The following TRPA1 variants were observed in gnomAD, a reference collection of about 807,000 sequenced individuals.
The protein encoded by TRPA1 is transient receptor potential cation channel subfamily A member 1, also known as ankyrin-like with transmembrane domains 1.
TRPA1 carries 129 observed loss-of-function variants against 131.3 expected under a neutral mutation model. The observed-to-expected ratio is 0.98, with a 90% CI of 0.85 to 1.14. TRPA1 has a LOEUF of 1.14. TRPA1 is among the 50% of genes most tolerant of loss of function. The pLI, the probability that TRPA1 is intolerant of heterozygous loss-of-function variation, is 0.00. For missense variants in TRPA1, 1,304 were observed against 1,354.2 expected, an observed-to-expected ratio of 0.96 and a Z score of 0.58; for synonymous variants, 441 against 451.7, an observed-to-expected ratio of 0.98 and a Z score of 0.30.
chr8:72,025,848 C>A (rs773198152), intron 25 of TRPA1, 112 bp downstream of exon 25: 81 of 882,836 alleles, frequency 9.2e-5, no homozygotes, highest in Non-Finnish European at 1.4e-4. Flanking sequence ...CTCCTCTGCC[C>A]ACAGGCAGAG....
rs140321500 is a variant in TRPA1 at position 72,051,664 on chromosome 8, T to C, written c.1812-793A>G. 3.1e-3 allele frequency among the ~76,000 whole-genome samples: 466 copies of C among 152,274 alleles called. 1 individual carries two copies. Among genetic ancestry groups the C allele is most frequent in the Admixed American group, 9.2e-3 (140 of 15,284 alleles). On this transcript the variant is annotated intron_variant, in intron 14 of 26. Transcript: ENST00000262209. ...GGCTTGATGTGCCTTGAATATGAGA[T>C]TGTTCGCTCTGTGTCCACTACTAGG...
At chr8:72,026,920 C>T (rs985763607) in intron 24 of TRPA1, among the ~76,000 whole-genome samples, 2 of 152,100 alleles carry the variant, frequency 1.3e-5, no homozygotes, top group East Asian at 3.9e-4. Context: ...TTGTGGCCCC[C>T]TCACTGTCCC....
chr8:72,077,178 T>G (rs76422562), upstream of TRPA1, among the ~76,000 whole-genome samples: 1,959 of 151,896 alleles, frequency 0.013, 47 homozygotes, highest in African/African-American at 0.044. Context: ...AGGCAAAAAC[T>G]GAATAAAGAG....
upstream of TRPA1, among the ~76,000 whole-genome samples, chr8:72,077,293 G>T (rs73687870): frequency 2.1e-3 from 47 of 21,888 alleles, no homozygotes; most frequent in East Asian, 0.24. Flanking sequence ...ACAGGGGTGG[G>T]GGGGGGGGCA....
intron 3 of TRPA1, among the ~76,000 whole-genome samples, chr8:72,067,825 C>T (rs1203611322): frequency 6.6e-6 from 1 of 152,136 alleles, no homozygotes; most frequent in African/African-American, 2.4e-5. Context: ...CTTCAGGGAG[C>T]CACCCTGACC....
intron 17 of TRPA1, among the ~76,000 whole-genome samples, chr8:72,044,345 G>A (rs531730021): frequency 1.3e-5 from 2 of 151,954 alleles, no homozygotes; most frequent in Admixed American, 6.6e-5. Flanking sequence ...ATATTTGTGA[G>A]AGTAATTCAG....
chr8:72,037,204 T>C (rs1379128441), intron 20 of TRPA1, among the ~76,000 whole-genome samples: 3 of 152,128 alleles, frequency 2.0e-5, no homozygotes, highest in Non-Finnish European at 4.4e-5. Context: ...ATTTAAAAAA[T>C]GCAAACCATT....
At chr8:72,027,076 T>A (rs1466866741) in intron 24 of TRPA1, among the ~76,000 whole-genome samples, 2 of 152,222 alleles carry the variant, frequency 1.3e-5, no homozygotes, top group Non-Finnish European at 2.9e-5. Flanking sequence ...TTCACTGATT[T>A]TCTATAATAA....
intron 15 of TRPA1, among the ~76,000 whole-genome samples, chr8:72,050,566 A>T (rs577933014): frequency 3.4e-4 from 51 of 152,032 alleles, no homozygotes; most frequent in Admixed American, 8.5e-4. Flanking sequence ...AATAAAAAAT[A>T]TTTTACCATA....
chr8:72,038,006 C>T lies in TRPA1; in HGVS notation c.2362G>A (p.Glu788Lys). ...FLSSIFGYCK[E>K]AGQIFQQKRN... ...ACCTGTTGGAAAATTTGCCCCGCTTCTTTGCAATACCCAAATATACTTGAT... is the reference window on the plus strand; with the variant it reads ...ACCTGTTGGAAAATTTGCCCCGCTTTTTTGCAATACCCAAATATACTTGAT... Residue 788 changes from glutamate (E) to lysine (K), a missense_variant, in exon 20 of 27, where the codon GAA becomes AAA. Transcript: ENST00000262209. The T allele has an allele frequency of 6.2e-7, 1 of 1,601,776 alleles. No homozygotes were observed. The highest frequency in any genetic ancestry group is 8.5e-7 in the Non-Finnish European group (1 of 1,169,802).
At chr8:72,057,503 G>T (rs566974322) in intron 9 of TRPA1, among the ~76,000 whole-genome samples, 1 of 152,292 alleles carries the variant, frequency 6.6e-6, no homozygotes, top group East Asian at 1.9e-4. Context: ...CTATTGTTCT[G>T]AAATTATCTT....
At chr8:72,063,645 C>T (rs930215572) in intron 4 of TRPA1, 74 bp from the exon 5 acceptor site, 10 of 918,276 alleles carry the variant, frequency 1.1e-5, no homozygotes, top group Non-Finnish European at 1.8e-5. Flanking sequence ...AATTTATGTG[C>T]CTCTCCCATA....
chr8:72,036,353 C>T lies in TRPA1; in HGVS notation c.2490G>A (p.Leu830=), dbSNP rs13280644. The stretch of plus-strand genomic sequence containing the variant: ...CAGCAATTGCTCCACATTGCCACTG[C>T]AGATGAGCTGGTATTTCAACAAACA... ...LPLFVEIPAH[L]QWQCGAIAVY... is the part of the protein sequence containing the mutation. The change falls in exon 21 of 27, where the codon CTG becomes CTA. Residue 830 remains leucine, a synonymous_variant. Transcript: ENST00000262209. 0.09 allele frequency: 144,933 copies of T among 1,613,898 alleles called. 7,458 individuals are homozygous for T. Among genetic ancestry groups the T allele is most frequent in the Middle Eastern group, 0.13 (791 of 6,062 alleles).
intron 2 of TRPA1, among the ~76,000 whole-genome samples, chr8:72,070,421 G>A (rs901375192): frequency 5.3e-5 from 8 of 152,076 alleles, no homozygotes; most frequent in Non-Finnish European, 1.0e-4. Context: ...TCCATTTGGC[G>A]CAAAACTTAA....
At chr8:72,088,366 CTTT>C in the TRPA1 span, among the ~76,000 whole-genome samples, 972 of 81,238 alleles carry the variant, frequency 0.012, 10 homozygotes, top group African/African-American at 0.04. Flanking sequence ...TCTTTGAAAA[CTTT>C]TTTTTTTTTT....
the TRPA1 span, among the ~76,000 whole-genome samples, chr8:72,085,122 C>A: frequency 3.7e-4 from 57 of 152,052 alleles, no homozygotes; most frequent in African/African-American, 1.1e-3. Context: ...TCAAAACAAA[C>A]TTTTTCATGT....
At chr8:72,053,621 C>G in intron 13 of TRPA1, 132 bp downstream of exon 13, 1 of 725,390 alleles carries the variant, frequency 1.4e-6, no homozygotes, top group Non-Finnish European at 2.5e-6. Context: ...CAAGAATCCA[C>G]TTGCTAAACA....
upstream of TRPA1, among the ~76,000 whole-genome samples, chr8:72,078,010 T>C (rs1037488981): frequency 1.3e-5 from 2 of 151,780 alleles, no homozygotes; most frequent in African/African-American, 4.8e-5. Flanking sequence ...AAAGTAATAA[T>C]AATAAATAAT....
At chr8:72,071,052 C>T (rs1456205357) in intron 2 of TRPA1, among the ~76,000 whole-genome samples, 1 of 152,218 alleles carries the variant, frequency 6.6e-6, no homozygotes, top group Non-Finnish European at 1.5e-5. Context: ...CTGTCGAGCA[C>T]TATTGACTTT....
Sources: allele counts gnomAD v4.1 joint callset (sites outside exome capture counted in the v4.1 genomes callset), GRCh38; gene constraint gnomAD v4.1.1; transcripts MANE v1.5; gene names NCBI Gene and HGNC (gene_info 2026-07-23, HGNC 2026-07-21).